DDX50: variants seen among roughly 807,000 people sequenced by gnomAD.
DDX50 encodes ATP-dependent RNA helicase DDX50.
Under a neutral mutation model 94.8 loss-of-function variants are expected in DDX50, and 56 were observed. The ratio of observed to expected loss-of-function variants is 0.59; its 90% CI spans 0.48 to 0.74. The LOEUF (loss-of-function observed/expected upper bound fraction) is 0.74, where lower values mean the gene tolerates loss of function less well. DDX50 is among the 30% of genes least tolerant of loss of function. DDX50 has a pLI of 0.00. For synonymous variants in DDX50, 264 were observed against 295.4 expected, an observed-to-expected ratio of 0.89 and a Z score of 1.09; for missense variants, 713 against 881.2, an observed-to-expected ratio of 0.81 and a Z score of 2.42.
At chr10:68,920,971 GA>G (rs67043980) in intron 8 of DDX50, among the ~76,000 whole-genome samples, 95,223 of 140,294 alleles carry the variant, frequency 0.68, 34,162 homozygotes, top group East Asian at 0.97. Flanking sequence ...AAAAGAAAGG[GA>G]AAAAAAAAAC....
chr10:68,939,210 A>T (rs1205571443), intron 12 of DDX50, among the ~76,000 whole-genome samples: 2 of 152,176 alleles, frequency 1.3e-5, no homozygotes, highest in African/African-American at 4.8e-5. Flanking sequence ...TGTAATTAGT[A>T]ACTTGTGGGG....
chr10:68,918,090 A>G (rs909652377), intron 7 of DDX50, among the ~76,000 whole-genome samples: 1 of 151,780 alleles, frequency 6.6e-6, no homozygotes, highest in Non-Finnish European at 1.5e-5. Context: ...ATGCCCAGCT[A>G]ATTTTTGTAT....
intron 1 of DDX50, among the ~76,000 whole-genome samples, chr10:68,904,986 A>G (rs1037931004): frequency 1.3e-5 from 2 of 152,250 alleles, no homozygotes; most frequent in Non-Finnish European, 2.9e-5. Context: ...AGTTTTTACT[A>G]TCACTAATTA....
rs111609713 is a variant in DDX50, at chr10:68,911,441, G to T, written c.639+195G>T. Among the ~76,000 whole-genome samples, 388 of 152,314 alleles carry T rather than the reference G, an allele frequency of 2.5e-3. 1 individual carries two copies. The highest frequency in any genetic ancestry group is 8.4e-3 in the African/African-American group (350 of 41,566). The stretch of plus-strand genomic sequence containing the variant: ...AGTAGTTTTTGCATATGAATGTGAT[G>T]TGTATGGATCCATAGATGTCTTTGA... On this transcript the variant is annotated intron_variant, in intron 4 of 14. Transcript: ENST00000373585.
At chr10:68,936,488 C>CAAAAAAA (rs1212336346) in intron 11 of DDX50, among the ~76,000 whole-genome samples, 1 of 26,832 alleles carries the variant, frequency 3.7e-5, no homozygotes, top group Non-Finnish European at 6.9e-5. Flanking sequence ...GACTCTGTCT[C>CAAAAAAA]AAAAAAAAAA....
At chr10:68,924,302 A>G (rs1296238436) in intron 8 of DDX50, among the ~76,000 whole-genome samples, 1 of 151,698 alleles carries the variant, frequency 6.6e-6, no homozygotes, top group Non-Finnish European at 1.5e-5. Flanking sequence ...ACAGGGTCCC[A>G]CCATGTTGCC....
At position 68,911,139 on chromosome 10, in the gene DDX50, A is replaced by G. The variant is rs757379819; in HGVS notation, c.532A>G (p.Ile178Val). The G allele has an allele frequency of 1.9e-6, 3 of 1,612,542 alleles. No homozygotes were observed. The highest frequency in any genetic ancestry group is 1.1e-5 in the South Asian group (1 of 90,506). Residue 178 changes from isoleucine (I) to valine (V), a missense_variant, in exon 4 of 15, where the codon ATA becomes GTA. Around this residue, in one of 2 missense-constraint regions of DDX50, gnomAD observed 285 missense variants for 278.9 expected, o/e 1.02. Coordinates refer to ENST00000373585, the MANE Select transcript of DDX50 (RefSeq NM_024045.2). Reference protein sequence around the residue: ...FGPVYEGKDLIAQARTGTGKT... With the variant: ...FGPVYEGKDLVAQARTGTGKT... ...TCCTGTATATGAAGGAAAAGATTTA[A>G]TAGCTCAAGCACGGACAGGAACAGG...
intron 2 of DDX50, 113 bp downstream of exon 2, chr10:68,907,120 A>G (rs1841477144): frequency 9.3e-7 from 1 of 1,075,690 alleles, no homozygotes; most frequent in African/African-American, 1.6e-5. Flanking sequence ...AGTGTCTAGT[A>G]TTCTTAGTTG....
rs376765529 is a variant in DDX50 at position 68,911,236 on chromosome 10, G to T, written c.629G>T (p.Arg210Leu). Residue 210 changes from arginine to leucine, a missense_variant, in exon 4 of 15, where the codon CGC becomes CTC. By Grantham distance (102) the Arg-to-Leu change is moderately radical. Around this residue, in one of 2 missense-constraint regions of DDX50, gnomAD observed 285 missense variants for 278.9 expected, o/e 1.02. Transcript: ENST00000373585. ...QRNQETIKKS[R>L]SPKVLVLAPT... ...AATCAAGAAACAATTAAAAAAAGCC[G>T]CTCACCAAAGGTAATCGTTATAGGG... 6.9e-6 allele frequency: 11 copies of T among 1,597,190 alleles called. No homozygotes were observed. The highest frequency in any genetic ancestry group is 9.4e-6 in the Non-Finnish European group (11 of 1,174,816).
chr10:68,942,191 T>C (rs1380066396), intron 13 of DDX50, among the ~76,000 whole-genome samples: 1 of 152,268 alleles, frequency 6.6e-6, no homozygotes, highest in Non-Finnish European at 1.5e-5. Flanking sequence ...CTGCTCTTTG[T>C]TGTTAATGAA....
chr10:68,911,337 A>G, intron 4 of DDX50, 91 bp downstream of exon 4: 2 of 1,348,862 alleles, frequency 1.5e-6, no homozygotes, highest in Admixed American at 2.7e-5. Flanking sequence ...TACCCCCAAA[A>G]TAGAAAAGTT....
At chr10:68,908,887 C>T (rs1381404780) in intron 2 of DDX50, among the ~76,000 whole-genome samples, 1 of 152,064 alleles carries the variant, frequency 6.6e-6, no homozygotes. Context: ...CTCAAGTAAT[C>T]CACCCACCTT....
intron 8 of DDX50, among the ~76,000 whole-genome samples, chr10:68,932,245 G>C (rs1729810588): frequency 6.6e-6 from 1 of 152,092 alleles, no homozygotes; most frequent in Non-Finnish European, 1.5e-5. Flanking sequence ...AATACTGTTG[G>C]GGTTAAATTA....
At chr10:68,927,661 TA>T (rs1249609477) in intron 8 of DDX50, among the ~76,000 whole-genome samples, 3 of 152,198 alleles carry the variant, frequency 2.0e-5, no homozygotes, top group African/African-American at 7.2e-5. Context: ...ATTAAAAAAA[TA>T]TATATTTGCC....
chr10:68,926,190 T>A (rs4746801), intron 8 of DDX50, among the ~76,000 whole-genome samples: 85,468 of 92,764 alleles, frequency 0.92, 39,468 homozygotes, highest in East Asian at 0.99. Context: ...AAAACATAAA[T>A]AAAATAAAAT....
At chr10:68,903,259 C>T (rs535989812) in intron 1 of DDX50, among the ~76,000 whole-genome samples, 15 of 152,126 alleles carry the variant, frequency 9.9e-5, no homozygotes, top group Middle Eastern at 3.4e-3. Flanking sequence ...TAGCCGGGTG[C>T]GGTGGCTCAT....
At chr10:68,929,347 CCTT>C (rs1842185143) in intron 8 of DDX50, among the ~76,000 whole-genome samples, 1 of 149,262 alleles carries the variant, frequency 6.7e-6, no homozygotes, top group Non-Finnish European at 1.5e-5. Context: ...TTCCTTCCTT[CCTT>C]CTTTCCTTCT....
chr10:68,911,233 G>A lies in DDX50; in HGVS notation c.626G>A (p.Ser209Asn). 1 of 1,598,356 alleles carries A rather than the reference G, an allele frequency of 6.3e-7. No individual in the cohort carries two copies. Among genetic ancestry groups the A allele is most frequent in the Non-Finnish European group, 8.5e-7 (1 of 1,175,358 alleles). Reference protein sequence around the residue: ...LQRNQETIKKSRSPKVLVLAP... With the variant: ...LQRNQETIKKNRSPKVLVLAP... ...AGAAATCAAGAAACAATTAAAAAAA[G>A]CCGCTCACCAAAGGTAATCGTTATA... Residue 209 changes from serine to asparagine, a missense_variant, in exon 4 of 15, where the codon AGC (serine) becomes AAC (asparagine). Ser to Asn is a conservative substitution (Grantham distance 46). This residue lies in a region of DDX50 where 285 missense variants were observed against 278.9 expected (regional missense o/e 1.02). Coordinates refer to ENST00000373585, the MANE Select transcript of DDX50 (RefSeq NM_024045.2).
intron 13 of DDX50, 111 bp downstream of exon 13, chr10:68,941,305 G>GT (rs1842548232): frequency 3.7e-6 from 5 of 1,357,474 alleles, no homozygotes; most frequent in South Asian, 2.7e-5. Flanking sequence ...GAATAATGCT[G>GT]TTTTTTCTCT....
Sources: allele counts gnomAD v4.1 joint callset (sites outside exome capture counted in the v4.1 genomes callset), GRCh38; gene constraint gnomAD v4.1.1; regional missense constraint gnomAD v4.1.1; transcripts MANE v1.5; gene names NCBI Gene and HGNC (gene_info 2026-07-23, HGNC 2026-07-21).